Variants in PARD3 observed in about 807,000 individuals in gnomAD.
PARD3 encodes the protein par-3 family cell polarity regulator, also known as partitioning defective 3 homolog.
Under a neutral mutation model 155.4 loss-of-function variants are expected in PARD3, and 75 were observed. The ratio of observed to expected loss-of-function variants is 0.48; its 90% CI spans 0.40 to 0.58. The LOEUF (loss-of-function observed/expected upper bound fraction) is 0.58, where lower values mean the gene tolerates loss of function less well. PARD3 is among the 20% of genes least tolerant of loss of function. PARD3 has a pLI of 0.00. For synonymous variants in PARD3, 576 were observed against 610.5 expected (o/e 0.94, Z 0.83); for missense variants, 1,642 against 1,721.7 (o/e 0.95, Z 0.82).
chr10:34,464,119 GAA>G lies in PARD3; in HGVS notation c.582+5964_582+5965del, dbSNP rs34445178. ...TTCAGCTAGACCCGAGGTCCTGCGG[GAA>G]AAAAAAAAAAAAGACCGAGCCCTGA... On this transcript the variant is annotated intron_variant, in intron 4 of 24. Transcript: ENST00000374788. Among the ~76,000 whole-genome samples, 210 of 145,202 alleles carry G rather than the reference GAA, an allele frequency of 1.4e-3. 1 individual carries two copies. The highest frequency in any genetic ancestry group is 8.8e-3 in the South Asian group (40 of 4,548).
intron 4 of PARD3, among the ~76,000 whole-genome samples, chr10:34,467,971 G>A (rs1046201045): frequency 6.6e-6 from 1 of 152,118 alleles, no homozygotes; most frequent in Non-Finnish European, 1.5e-5. Context: ...ATAGTGGTTT[G>A]AAACAGAATT....
At chr10:34,702,807 C>T (rs542166727) in intron 1 of PARD3, among the ~76,000 whole-genome samples, 5 of 152,282 alleles carry the variant, frequency 3.3e-5, no homozygotes, top group Admixed American at 6.5e-5. Context: ...GAACTCAGTG[C>T]TCTCAAGTTA....
At position 34,119,555 on chromosome 10, in the gene PARD3, G is replaced by C. The variant is rs1323212495; in HGVS notation, c.3668+58C>G. On this transcript the variant is annotated intron_variant, in intron 24 of 24. Coordinates refer to ENST00000374788, the MANE Select transcript of PARD3 (RefSeq NM_001184785.2). ...ACTTGGGAAGGAGCGCGTTCCTAAAGGGCGGGGGATCTTAAAGGGCCGGGG... is the reference window on the plus strand; with the variant it reads ...ACTTGGGAAGGAGCGCGTTCCTAAACGGCGGGGGATCTTAAAGGGCCGGGG... The C allele has an allele frequency of 2.6e-6, 4 of 1,521,602 alleles. No individual in the cohort carries two copies. In the African/African-American group the frequency reaches 4.1e-5, roughly 16 times the overall value. 94.3% of individuals were successfully genotyped at this position (1,521,602 alleles called of 1,614,324 possible). A position where few individuals can be genotyped will look rare whatever the true frequency, so the allele number is the denominator to read the frequency against.
At chr10:34,146,686 T>C (rs925623272) in intron 22 of PARD3, among the ~76,000 whole-genome samples, 2 of 152,226 alleles carry the variant, frequency 1.3e-5, no homozygotes, top group African/African-American at 4.8e-5. Context: ...GTTTCAATCT[T>C]TGCTGGTCTT....
intron 3 of PARD3, among the ~76,000 whole-genome samples, chr10:34,481,016 G>A (rs2079052459): frequency 6.6e-6 from 1 of 151,710 alleles, no homozygotes; most frequent in Non-Finnish European, 1.5e-5. Flanking sequence ...TGACCAGGCT[G>A]GTCTCAAACT....
chr10:34,161,392 A>T (rs1352737555), intron 22 of PARD3, among the ~76,000 whole-genome samples: 2 of 152,136 alleles, frequency 1.3e-5, no homozygotes, highest in African/African-American at 4.8e-5. Context: ...TACAGTAAAC[A>T]TTACACTGTT....
At chr10:34,735,303 C>T (rs1187203739) in intron 1 of PARD3, among the ~76,000 whole-genome samples, 2 of 152,094 alleles carry the variant, frequency 1.3e-5, no homozygotes, top group Non-Finnish European at 2.9e-5. Flanking sequence ...TGCTATAGCA[C>T]TAGTTATTTA....
intron 1 of PARD3, among the ~76,000 whole-genome samples, chr10:34,750,257 CAGA>C (rs1203809178): frequency 4.6e-5 from 7 of 151,702 alleles, no homozygotes; most frequent in Non-Finnish European, 7.4e-5. Context: ...GGATTGAAAA[CAGA>C]AGAAGAGAAA....
chr10:34,515,972 C>CTT (rs11398185), intron 3 of PARD3, among the ~76,000 whole-genome samples: 1,855 of 149,232 alleles, frequency 0.012, 42 homozygotes, highest in African/African-American at 0.043. Flanking sequence ...ATAAATAATC[C>CTT]TTTTTTTTTT....
chr10:34,785,143 T>C (rs994715357), intron 1 of PARD3, among the ~76,000 whole-genome samples: 3 of 152,278 alleles, frequency 2.0e-5, no homozygotes, highest in Non-Finnish European at 4.4e-5. Flanking sequence ...AAATAATTGC[T>C]AATGCCTCAT....
At chr10:34,464,119 GAAAA>G (rs34445178) in intron 4 of PARD3, among the ~76,000 whole-genome samples, 1 of 145,274 alleles carries the variant, frequency 6.9e-6, no homozygotes, top group Non-Finnish European at 1.5e-5. Context: ...GGTCCTGCGG[GAAAA>G]AAAAAAAAAA....
At chr10:34,780,638 C>G (rs1214847821) in intron 1 of PARD3, among the ~76,000 whole-genome samples, 1 of 152,192 alleles carries the variant, frequency 6.6e-6, no homozygotes, top group Non-Finnish European at 1.5e-5. Flanking sequence ...AGTCTTTGGT[C>G]TCCTGTCTAT....
Position 34,359,129 on chromosome 10 carries a change from C to T in PARD3, c.2067+18G>A, listed in dbSNP as rs1311941380. Reference sequence around the variant, plus strand: ...TTATTTACAATTTTAGATACTAGCACTTTTTTGCATTTCTTACCTCATTGC... The same window carrying T: ...TTATTTACAATTTTAGATACTAGCATTTTTTTGCATTTCTTACCTCATTGC... On this transcript the variant is annotated intron_variant, in intron 14 of 24. Coordinates refer to ENST00000374788, the MANE Select transcript of PARD3 (RefSeq NM_001184785.2). The T allele has an allele frequency of 6.2e-7, 1 of 1,601,082 alleles. No homozygotes were observed. Among genetic ancestry groups the T allele is most frequent in the Non-Finnish European group, 8.5e-7 (1 of 1,172,100 alleles).
chr10:34,327,334 T>C (rs1054515177), intron 19 of PARD3, among the ~76,000 whole-genome samples: 9 of 152,200 alleles, frequency 5.9e-5, no homozygotes, highest in African/African-American at 2.2e-4. Flanking sequence ...ACAAAAATGC[T>C]GGCTTCTGCC....
chr10:34,740,605 A>C (rs371678233), intron 1 of PARD3, among the ~76,000 whole-genome samples: 5 of 149,798 alleles, frequency 3.3e-5, no homozygotes, highest in Middle Eastern at 3.4e-3. Context: ...CCTACCTGTC[A>C]GCTCCCAGGG....
chr10:34,369,469 G>A (rs1840362402), intron 12 of PARD3, among the ~76,000 whole-genome samples: 1 of 152,054 alleles, frequency 6.6e-6, no homozygotes, highest in Admixed American at 6.6e-5. Context: ...CATGGACATT[G>A]TAAAGATTAA....
chr10:34,575,208 A>G (rs951142265), intron 2 of PARD3, among the ~76,000 whole-genome samples: 11 of 152,176 alleles, frequency 7.2e-5, no homozygotes, highest in African/African-American at 2.7e-4. Flanking sequence ...TTCTTAAACC[A>G]GATTCAACAT....
intron 2 of PARD3, among the ~76,000 whole-genome samples, chr10:34,681,365 C>T (rs531501137): frequency 2.0e-5 from 3 of 152,052 alleles, no homozygotes; most frequent in African/African-American, 7.2e-5. Context: ...GTTGTGTTAA[C>T]TAAAGGTAGA....
intron 19 of PARD3, among the ~76,000 whole-genome samples, chr10:34,329,801 C>A (rs1317453890): frequency 6.6e-6 from 1 of 152,142 alleles, no homozygotes; most frequent in Non-Finnish European, 1.5e-5. Flanking sequence ...AGAAGTGTAG[C>A]AATCCTCTAA....
Sources: gnomAD v4.1 joint callset for allele counts (sites outside exome capture counted in the v4.1 genomes callset) on GRCh38, gnomAD v4.1.1 for gene constraint, MANE v1.5 for transcripts, NCBI Gene and HGNC (gene_info 2026-07-23, HGNC 2026-07-21) for gene names.